The following TXNL1 variants were observed in gnomAD, a reference collection of about 807,000 sequenced individuals.
TXNL1 encodes the protein thioredoxin-like protein 1.
TXNL1 carries 14 observed loss-of-function variants against 35.5 expected under a neutral mutation model. That is an observed-to-expected ratio of 0.39 (90% confidence interval 0.26 to 0.62). TXNL1 has a LOEUF of 0.62. Ranked by LOEUF, TXNL1 falls within the 20% of genes least tolerant of loss-of-function variation. The pLI is 0.47. For synonymous variants in TXNL1, 110 were observed against 115.5 expected, an observed-to-expected ratio of 0.95 and a Z score of 0.31; for missense variants, 263 against 349.7, an observed-to-expected ratio of 0.75 and a Z score of 1.98.
At chr18:56,603,265 T>C (rs1231561794) in intron 7 of TXNL1, among the ~76,000 whole-genome samples, 1 of 124,826 alleles carries the variant, frequency 8.0e-6, no homozygotes, top group Admixed American at 9.7e-5. Flanking sequence ...ATGCAGGCTA[T>C]TTTTGGTTTC....
intron 7 of TXNL1, among the ~76,000 whole-genome samples, chr18:56,605,768 A>G (rs2023882817): frequency 1.3e-5 from 2 of 152,206 alleles, no homozygotes; most frequent in Admixed American, 6.5e-5. Context: ...CTAGTCTGTC[A>G]AACCTTAAAA....
chr18:56,614,389 A>T (rs767213409), intron 6 of TXNL1, 35 bp downstream of exon 6: 3 of 1,569,516 alleles, frequency 1.9e-6, no homozygotes, highest in Middle Eastern at 1.7e-4. Flanking sequence ...TTACTCACAA[A>T]CCTATTAAAT....
chr18:56,609,133 C>T (rs1304600044), intron 7 of TXNL1: 5 of 151,524 alleles, frequency 3.3e-5, no homozygotes, highest in Admixed American at 6.6e-5. Context: ...AAATATAGCC[C>T]ACATAAACAA....
intron 7 of TXNL1, among the ~76,000 whole-genome samples, chr18:56,603,826 G>T (rs1321169159): frequency 6.6e-6 from 1 of 151,992 alleles, no homozygotes; most frequent in Non-Finnish European, 1.5e-5. Flanking sequence ...GTATTCTTAG[G>T]GCAAAAATGC....
chr18:56,607,443 C>A (rs1272092157), intron 7 of TXNL1, among the ~76,000 whole-genome samples: 1 of 151,978 alleles, frequency 6.6e-6, no homozygotes, highest in African/African-American at 2.4e-5. Context: ...AGGCATGAGC[C>A]ACCATGCTCT....
intron 3 of TXNL1, among the ~76,000 whole-genome samples, chr18:56,621,754 C>T (rs2024190347): frequency 6.6e-6 from 1 of 151,948 alleles, no homozygotes; most frequent in East Asian, 1.9e-4. Flanking sequence ...AATCCTAGCA[C>T]TTTGGGAGGC....
In TXNL1 at chr18:56,602,724, T is replaced by G. The variant is rs2023826915; in HGVS notation, c.*303A>C. ...CTTTTCTAAAGAAACTGGCTTTCAA[T>G]CAATATACTACCAGACACTTAAGTC... On this transcript the variant is annotated 3_prime_UTR_variant, in exon 8 of 8. Coordinates refer to ENST00000217515, the MANE Select transcript of TXNL1 (RefSeq NM_004786.3). 9 of 424,316 alleles carry G rather than the reference T, an allele frequency of 2.1e-5. No individual in the cohort carries two copies. The South Asian group carries it at 3.2e-4, about 15-fold the overall frequency. The allele number at this position is 424,316 out of a possible 1,614,324, so 26.3% of individuals were successfully genotyped here.
rs76399580 is a variant in TXNL1 at position 56,606,017 on chromosome 18, T to C, written c.841-2961A>G. On this transcript the variant is annotated intron_variant, in intron 7 of 7. Coordinates refer to ENST00000217515, the MANE Select transcript of TXNL1 (RefSeq NM_004786.3). ...AGCCATTTTATATAGCGCCCTTCAC[T>C]ACACAGAGGTCATCAAAATTTTCCT... 2.5e-4 allele frequency among the ~76,000 whole-genome samples: 38 copies of C among 152,338 alleles called. No homozygotes were observed. The East Asian group carries it at 7.3e-3, about 29-fold the overall frequency.
At position 56,624,370 on chromosome 18, in the gene TXNL1, G is replaced by T; in HGVS notation, c.287C>A (p.Ala96Asp). 6.2e-7 allele frequency: 1 copy of T among 1,613,768 alleles called. No homozygotes were observed. The highest frequency in any genetic ancestry group is 8.5e-7 in the Non-Finnish European group (1 of 1,179,838). Reference sequence around the variant, plus strand: ...CTTGATTTTTTCTTCTAATCCCACAGCATCTGCTCCTTGATATTGATCAAT... The same window carrying T: ...CTTGATTTTTTCTTCTAATCCCACATCATCTGCTCCTTGATATTGATCAAT... ...VRIDQYQGADAVGLEEKIKQH... is the reference protein window; with the variant it reads ...VRIDQYQGADDVGLEEKIKQH... Residue 96 changes from alanine to aspartate, a missense_variant, in exon 3 of 8, where the codon GCT (alanine) becomes GAT (aspartate). By Grantham distance (126) the Ala-to-Asp change is moderately radical. Coordinates refer to ENST00000217515, the MANE Select transcript of TXNL1 (RefSeq NM_004786.3).
At chr18:56,609,349 C>T (rs2023953703) in intron 7 of TXNL1, 2 of 152,102 alleles carry the variant, frequency 1.3e-5, no homozygotes, top group South Asian at 4.1e-4. Flanking sequence ...CGTAGTTTGA[C>T]AGTCAGAAAA....
At chr18:56,617,481 G>A (rs1031858713) in intron 4 of TXNL1, among the ~76,000 whole-genome samples, 1 of 152,126 alleles carries the variant, frequency 6.6e-6, no homozygotes, top group African/African-American at 2.4e-5. Flanking sequence ...CAGTGACAAT[G>A]GAAGAGAAAG....
rs1049724185 is a variant in TXNL1, at chr18:56,600,357, C to A, written c.*2670G>T. On this transcript the variant is annotated 3_prime_UTR_variant, in exon 8 of 8. Transcript: ENST00000217515. ...GGGCAGGTTTCAACTCTAATTGTTACGTGGCTGCCTCCAACAGAATATTGA... is the reference window on the plus strand; with the variant it reads ...GGGCAGGTTTCAACTCTAATTGTTAAGTGGCTGCCTCCAACAGAATATTGA... The A allele has an allele frequency of 5.9e-5, 8 of 134,494 alleles. No individual in the cohort carries two copies. The highest frequency in any genetic ancestry group is 8.0e-5 in the Non-Finnish European group (5 of 62,822). The allele number at this position is 134,494 out of a possible 1,614,324, so 8.3% of individuals were successfully genotyped here.
rs372391268 is a variant in TXNL1 at position 56,638,461 on chromosome 18, G to C, written c.-21C>G. On this transcript the variant is annotated 5_prime_UTR_variant, in exon 1 of 8. Transcript: ENST00000217515. ...ACCATCCTCACAGAGAGCCCGGCAG[G>C]GTGGCCGCGACGCCACTGGCTTTGA... The C allele has an allele frequency of 2.4e-5, 39 of 1,605,198 alleles. No homozygotes were observed. Among genetic ancestry groups the C allele is most frequent in the Non-Finnish European group, 3.1e-5 (37 of 1,174,764 alleles).
At chr18:56,634,434 C>A (rs1157005323) in intron 1 of TXNL1, among the ~76,000 whole-genome samples, 1 of 152,124 alleles carries the variant, frequency 6.6e-6, no homozygotes, top group African/African-American at 2.4e-5. Flanking sequence ...TAGGGTTATT[C>A]TGAGGAATGA....
intron 6 of TXNL1, 85 bp from the exon 7 acceptor site, chr18:56,611,182 CATAA>C (rs1401121344): frequency 1.1e-6 from 1 of 889,250 alleles, no homozygotes; most frequent in Admixed American, 2.7e-5. Context: ...AAATTAATAA[CATAA>C]ATATTCTCCA....
intron 1 of TXNL1, among the ~76,000 whole-genome samples, chr18:56,630,242 A>G (rs1348798035): frequency 1.3e-5 from 2 of 152,148 alleles, no homozygotes; most frequent in Non-Finnish European, 2.9e-5. Flanking sequence ...ATTCAGGAAA[A>G]AGATGGACAT....
At chr18:56,618,633 C>A (rs1480416411) in intron 3 of TXNL1, among the ~76,000 whole-genome samples, 2 of 151,692 alleles carry the variant, frequency 1.3e-5, no homozygotes, top group Non-Finnish European at 2.9e-5. Flanking sequence ...AACTGAAGGC[C>A]ACTCTTGCCT....
chr18:56,634,541 G>T (rs1009467778), intron 1 of TXNL1, among the ~76,000 whole-genome samples: 16 of 152,198 alleles, frequency 1.1e-4, no homozygotes, highest in African/African-American at 3.9e-4. Flanking sequence ...TCTGGGAAAA[G>T]GGTGCTGATC....
At chr18:56,612,200 T>C (rs1479365193) in intron 6 of TXNL1, among the ~76,000 whole-genome samples, 1 of 151,790 alleles carries the variant, frequency 6.6e-6, no homozygotes, top group Non-Finnish European at 1.5e-5. Flanking sequence ...TGAAAGGGTA[T>C]TAAGAGTTAC....
Sources: allele counts gnomAD v4.1 joint callset (sites outside exome capture counted in the v4.1 genomes callset), GRCh38; gene constraint gnomAD v4.1.1; transcripts MANE v1.5; gene names NCBI Gene and HGNC (gene_info 2026-07-23, HGNC 2026-07-21).